The following PTPRK variants were observed in gnomAD, a reference collection of about 807,000 sequenced individuals.
PTPRK encodes protein tyrosine phosphatase receptor type K, also known as receptor-type tyrosine-protein phosphatase kappa.
PTPRK carries 75 observed loss-of-function variants against 178.0 expected under a neutral mutation model. The observed-to-expected ratio is 0.42, with a 90% CI of 0.35 to 0.51. PTPRK has a LOEUF of 0.51. Ranked by LOEUF, PTPRK falls within the 20% of genes least tolerant of loss-of-function variation. PTPRK has a pLI of 0.02. For missense variants in PTPRK, 1,441 were observed against 1,797.8 expected, an observed-to-expected ratio of 0.80 and a Z score of 3.59; for synonymous variants, 637 against 620.6, an observed-to-expected ratio of 1.03 and a Z score of -0.39.
At chr6:128,440,860 C>G (rs1304505998) in intron 1 of PTPRK, among the ~76,000 whole-genome samples, 2 of 151,728 alleles carry the variant, frequency 1.3e-5, no homozygotes, top group Non-Finnish European at 2.9e-5. Context: ...GGCTTTTCAA[C>G]TTTTGCTATT....
At chr6:128,154,940 T>C (rs1797760445) in intron 7 of PTPRK, among the ~76,000 whole-genome samples, 1 of 151,792 alleles carries the variant, frequency 6.6e-6, no homozygotes, top group South Asian at 2.1e-4. Context: ...ATCTGAATAA[T>C]GTCCACACAT....
intron 3 of PTPRK, among the ~76,000 whole-genome samples, chr6:128,312,308 T>A (rs940507101): frequency 2.0e-5 from 3 of 152,316 alleles, no homozygotes; most frequent in Admixed American, 6.5e-5. Flanking sequence ...TTAGGTGTTA[T>A]GGCTGGCTTT....
At chr6:128,436,972 TAA>T (rs150922894) in intron 1 of PTPRK, among the ~76,000 whole-genome samples, 8,492 of 152,268 alleles carry the variant, frequency 0.056, 274 homozygotes, top group Non-Finnish European at 0.068. Flanking sequence ...AGAAATTGTT[TAA>T]GAGGGAAATC....
At chr6:128,011,736 T>C (rs1213925918) in intron 13 of PTPRK, among the ~76,000 whole-genome samples, 1 of 151,078 alleles carries the variant, frequency 6.6e-6, no homozygotes, top group Non-Finnish European at 1.5e-5. Flanking sequence ...TTACAAGTAA[T>C]ATAGATAGGT....
Position 128,471,944 on chromosome 6 carries a change from T to C in PTPRK, c.100+48315A>G, listed in dbSNP as rs540111391. On this transcript the variant is annotated intron_variant, in intron 1 of 29. Coordinates refer to ENST00000368226, the MANE Select transcript of PTPRK (RefSeq NM_002844.4). Reference sequence around the variant, plus strand: ...CAGCTTATGAGCGGGCAATAAAACATAGCCAAAGAAAATAAGAAGACTGAA... The same window carrying C: ...CAGCTTATGAGCGGGCAATAAAACACAGCCAAAGAAAATAAGAAGACTGAA... Among the ~76,000 whole-genome samples, 55 of 149,530 alleles carry C rather than the reference T, an allele frequency of 3.7e-4. 1 individual carries two copies. The highest frequency in any genetic ancestry group is 2.5e-3 in the Admixed American group (37 of 14,952).
intron 1 of PTPRK, among the ~76,000 whole-genome samples, chr6:128,409,804 A>G (rs1218967759): frequency 1.3e-5 from 2 of 152,182 alleles, no homozygotes; most frequent in Non-Finnish European, 2.9e-5. Flanking sequence ...GCCCGCTGCC[A>G]TTCCACATAA....
At chr6:127,984,091 TA>T (rs1287328804) in intron 22 of PTPRK, among the ~76,000 whole-genome samples, 5 of 152,206 alleles carry the variant, frequency 3.3e-5, no homozygotes, top group Admixed American at 1.3e-4. Flanking sequence ...AAAATACTTT[TA>T]AAAAATTATA....
chr6:128,213,870 C>T (rs1443519284), intron 6 of PTPRK, among the ~76,000 whole-genome samples: 2 of 151,956 alleles, frequency 1.3e-5, no homozygotes, highest in African/African-American at 4.8e-5. Flanking sequence ...TGAAAAGTCA[C>T]CCTTAATAAC....
chr6:128,371,853 G>A (rs1447084929), intron 2 of PTPRK, among the ~76,000 whole-genome samples: 1 of 151,458 alleles, frequency 6.6e-6, no homozygotes, highest in Non-Finnish European at 1.5e-5. Flanking sequence ...CCCAGCCCTG[G>A]TGACAGAGTA....
chr6:128,095,331 T>C (rs1050206738), intron 7 of PTPRK, among the ~76,000 whole-genome samples: 2 of 152,208 alleles, frequency 1.3e-5, no homozygotes, highest in African/African-American at 4.8e-5. Flanking sequence ...AGAAACACCA[T>C]GATGTCACTT....
intron 3 of PTPRK, among the ~76,000 whole-genome samples, chr6:128,267,743 A>G (rs1477748781): frequency 6.6e-6 from 1 of 152,140 alleles, no homozygotes; most frequent in Non-Finnish European, 1.5e-5. Context: ...AATGTTAACT[A>G]TTAGCTTAAA....
intron 2 of PTPRK, among the ~76,000 whole-genome samples, chr6:128,392,229 C>T (rs919073770): frequency 2.0e-5 from 3 of 152,112 alleles, no homozygotes; most frequent in Non-Finnish European, 2.9e-5. Flanking sequence ...TGGTTCCTTA[C>T]TTCAATCTTC....
chr6:128,062,325 T>C (rs1264952205), intron 13 of PTPRK: 1 of 166,842 alleles, frequency 6.0e-6, no homozygotes, highest in Non-Finnish European at 1.5e-5. Context: ...AATCTTCCCA[T>C]CTTCCAAGTA....
chr6:128,205,304 A>G lies in PTPRK; in HGVS notation c.868+13618T>C, dbSNP rs551603180. Among the ~76,000 whole-genome samples, 10 of 152,188 alleles carry G rather than the reference A, an allele frequency of 6.6e-5. No homozygotes were observed. In the East Asian group the frequency reaches 1.9e-3, roughly 29 times the overall value. On this transcript the variant is annotated intron_variant, in intron 6 of 29. Coordinates refer to ENST00000368226, the MANE Select transcript of PTPRK (RefSeq NM_002844.4). Reference sequence around the variant, plus strand: ...AGGGAGAGCATCAGGAAGAGCGGCTAATGGATTCTGAGCTTAATACCTAGG... The same window carrying G: ...AGGGAGAGCATCAGGAAGAGCGGCTGATGGATTCTGAGCTTAATACCTAGG...
chr6:128,255,066 C>T (rs983668847), intron 3 of PTPRK, among the ~76,000 whole-genome samples: 2 of 152,216 alleles, frequency 1.3e-5, no homozygotes, highest in African/African-American at 4.8e-5. Flanking sequence ...TCTCAGCTCA[C>T]CACAACCTCC....
chr6:128,413,386 T>TG (rs1842512196), intron 1 of PTPRK, among the ~76,000 whole-genome samples: 2 of 150,382 alleles, frequency 1.3e-5, no homozygotes. Flanking sequence ...TTATTTAAAA[T>TG]GAAAAAAAAA....
intron 22 of PTPRK, among the ~76,000 whole-genome samples, chr6:127,984,240 A>G (rs1433379008): frequency 6.6e-6 from 1 of 152,194 alleles, no homozygotes; most frequent in Non-Finnish European, 1.5e-5. Flanking sequence ...TATGTTGTGA[A>G]CATTCAGTAT....
chr6:128,153,358 G>A (rs1213078007), intron 7 of PTPRK, among the ~76,000 whole-genome samples: 5 of 151,826 alleles, frequency 3.3e-5, no homozygotes, highest in Admixed American at 2.0e-4. Flanking sequence ...CTGGGACATG[G>A]TTGAGAAAGC....
At chr6:128,520,102 G>C (rs1222402022) in intron 1 of PTPRK, among the ~76,000 whole-genome samples, 157 bp downstream of exon 1, 1 of 152,072 alleles carries the variant, frequency 6.6e-6, no homozygotes, top group South Asian at 2.1e-4. Context: ...CACCTGGCAC[G>C]AACTCTGGGG....
Sources: gnomAD v4.1 joint callset for allele counts (sites outside exome capture counted in the v4.1 genomes callset) on GRCh38, gnomAD v4.1.1 for gene constraint, MANE v1.5 for transcripts, NCBI Gene and HGNC (gene_info 2026-07-23, HGNC 2026-07-21) for gene names.